Variants in NECAP1 observed in about 807,000 individuals in gnomAD.
The protein encoded by NECAP1 is adaptin ear-binding coat-associated protein 1.
A neutral mutation model predicts 33.4 loss-of-function variants in NECAP1; 13 were observed. The observed-to-expected ratio is 0.39, with a 90% CI of 0.25 to 0.62. The LOEUF is 0.62. Ranked by LOEUF, NECAP1 falls within the 20% of genes least tolerant of loss-of-function variation. The pLI is 0.52. For synonymous variants in NECAP1, 109 were observed against 125.2 expected, an observed-to-expected ratio of 0.87 and a Z score of 0.86; for missense variants, 272 against 347.4, an observed-to-expected ratio of 0.78 and a Z score of 1.73.
chr12:8,090,990 C>T (rs1242948721), intron 3 of NECAP1: 2 of 152,500 alleles, frequency 1.3e-5, no homozygotes, highest in Non-Finnish European at 2.9e-5. Flanking sequence ...GCCTCTGTTG[C>T]AACTACTCAG....
At chr12:8,093,153 G>T in intron 6 of NECAP1, 98 bp downstream of exon 6, 1 of 1,242,536 alleles carries the variant, frequency 8.0e-7, no homozygotes, top group Non-Finnish European at 1.2e-6. Flanking sequence ...CTATGAAATA[G>T]CTCATGGTAC....
chr12:8,085,686 C>CTTTTTTTTTTTTTTTT (rs554942626), intron 1 of NECAP1, among the ~76,000 whole-genome samples: 2 of 104,810 alleles, frequency 1.9e-5, no homozygotes, highest in African/African-American at 8.4e-5. Context: ...ACTTAATCTT[C>CTTTTTTTTTTTTTTTT]TTTTTTTTTT....
chr12:8,088,367 G>A (rs1345903676), intron 1 of NECAP1, among the ~76,000 whole-genome samples: 1 of 152,056 alleles, frequency 6.6e-6, no homozygotes, highest in African/African-American at 2.4e-5. Flanking sequence ...TAAACACCTT[G>A]GAGTTGTCCT....
chr12:8,092,907 C>G lies in NECAP1; in HGVS notation c.528C>G (p.Pro176=), dbSNP rs749616020. The G allele has an allele frequency of 4.4e-6, 7 of 1,583,364 alleles. No individual in the cohort carries two copies. In the South Asian group the frequency reaches 8.1e-5, roughly 18 times the overall value. Residue 176 remains proline, a synonymous_variant, in exon 6 of 8, where the codon CCC becomes CCG. Coordinates refer to ENST00000339754, the MANE Select transcript of NECAP1 (RefSeq NM_015509.4). ...ITNKKGGASK[P]RTARGGGLSL... Reference sequence around the variant, plus strand: ...ACAAGAAAGGAGGTGCTTCTAAGCCCAGGACTGCAAGGGGTGGGGGTCTGA... The same window carrying G: ...ACAAGAAAGGAGGTGCTTCTAAGCCGAGGACTGCAAGGGGTGGGGGTCTGA...
In NECAP1 at chr12:8,095,997, T is replaced by C. The variant is rs769647404; in HGVS notation, c.780-45T>C. The stretch of plus-strand genomic sequence containing the variant: ...TATTAAGTAAAGAATGGAGTTGTTA[T>C]CCTAATATTATGTCTCTGGCTTTCT... On this transcript the variant is annotated intron_variant, in intron 7 of 7. Transcript: ENST00000339754. 5.0e-6 allele frequency: 8 copies of C among 1,606,088 alleles called. No individual in the cohort carries two copies. The Admixed American group carries it at 1.3e-4, about 27-fold the overall frequency.
In NECAP1 at chr12:8,083,482, C is replaced by T. The variant is rs371256119; in HGVS notation, c.95+1099C>T. 4.2e-4 allele frequency among the ~76,000 whole-genome samples: 54 copies of T among 129,376 alleles called. 2 individuals carry two copies. In the East Asian group the frequency reaches 6.0e-3, roughly 14 times the overall value. The allele number at this position is 129,376 out of a possible 152,430, so 84.9% of individuals were successfully genotyped here. ...TCTCACTTTGTTGCCCAGGCCGGAGCGCAATGGCTCAATCTCAGCTCACTG... is the reference window on the plus strand; with the variant it reads ...TCTCACTTTGTTGCCCAGGCCGGAGTGCAATGGCTCAATCTCAGCTCACTG... On this transcript the variant is annotated intron_variant, in intron 1 of 7. Transcript: ENST00000339754.
chr12:8,089,904 T>C (rs749153283), intron 1 of NECAP1, 32 bp from the exon 2 acceptor site: 3 of 1,528,076 alleles, frequency 2.0e-6, no homozygotes, highest in African/African-American at 1.4e-5. Flanking sequence ...ATTAAGGACA[T>C]GTGCCTGAGG....
rs58270520 is a variant in NECAP1 at position 8,082,774 on chromosome 12, TCACACA to T, written c.95+429_95+434del. ...CTCATCCTTTCTCTCTCTCTCTCTC[TCACACA>T]CACACACACACACACACACACACAC... On this transcript the variant is annotated intron_variant, in intron 1 of 7. Transcript: ENST00000339754. The T allele has an allele frequency of 9.7e-3, 1,368 of 141,652 alleles. 9 individuals are homozygous for T. The highest frequency in any genetic ancestry group is 0.024 in the African/African-American group (821 of 34,708). The allele number at this position is 141,652 out of a possible 1,614,324, so 8.8% of individuals were successfully genotyped here.
intron 1 of NECAP1, chr12:8,082,774 TCACACACACACACACACA>T (rs58270520): frequency 0.26 from 36,619 of 141,694 alleles, 4,850 homozygotes; most frequent in Middle Eastern, 0.33. Context: ...TCTCTCTCTC[TCACACACACACACACACA>T]CACACACACA....
At chr12:8,082,640 G>A (rs1304643910) in intron 1 of NECAP1, 2 of 442,044 alleles carry the variant, frequency 4.5e-6, no homozygotes, top group Admixed American at 3.6e-5. Context: ...TGCCTCTCCC[G>A]TAATCCCCTG....
At chr12:8,090,069 A>C (rs1255790593) in intron 2 of NECAP1, 33 bp downstream of exon 2, 1 of 1,593,108 alleles carries the variant, frequency 6.3e-7, no homozygotes, top group East Asian at 2.2e-5. Context: ...TAACATTAAG[A>C]ATATTAATTT....
intron 3 of NECAP1, 104 bp downstream of exon 3, chr12:8,090,403 A>AT: frequency 2.9e-6 from 3 of 1,029,682 alleles, no homozygotes; most frequent in Non-Finnish European, 1.5e-6. Flanking sequence ...GGTTTACTTC[A>AT]TTTTTTCTTC....
intron 1 of NECAP1, chr12:8,089,343 G>C (rs1419994198): frequency 6.6e-6 from 1 of 152,280 alleles, no homozygotes; most frequent in Non-Finnish European, 1.5e-5. Flanking sequence ...ACCATCTATA[G>C]TTTGAAAATA....
chr12:8,090,129 A>G lies in NECAP1; in HGVS notation c.197-66A>G, dbSNP rs770261573. On this transcript the variant is annotated intron_variant, in intron 2 of 7. Transcript: ENST00000339754. The stretch of plus-strand genomic sequence containing the variant: ...ATTTGGGGACTGGAATGGAAATACT[A>G]CTTGTTAATTGGGGTTCTGGATTTT... 101 of 1,583,328 alleles carry G rather than the reference A, an allele frequency of 6.4e-5. No homozygotes were observed. In the South Asian group the frequency reaches 1.0e-3, roughly 16 times the overall value.
intron 1 of NECAP1, 185 bp from the exon 2 acceptor site, chr12:8,089,751 C>A (rs1446199987): frequency 1.8e-6 from 1 of 560,724 alleles, no homozygotes; most frequent in Non-Finnish European, 3.2e-6. Context: ...GTAGCATTGT[C>A]TTTTACTTGC....
In NECAP1 at chr12:8,092,787, G is replaced by A. The variant is rs368777299; in HGVS notation, c.492+3G>A. The A allele has an allele frequency of 6.8e-6, 11 of 1,607,336 alleles. No individual in the cohort carries two copies. The African/African-American group carries it at 1.3e-4, about 20-fold the overall frequency. Reference sequence around the variant, plus strand: ...AAACCATCAAGTTGTGTATCGGGGTGAGTATGGTTTTTAAAAATTTTGTTT... The same window carrying A: ...AAACCATCAAGTTGTGTATCGGGGTAAGTATGGTTTTTAAAAATTTTGTTT... On this transcript the variant is annotated splice_donor_region_variant and intron_variant, in intron 5 of 7. Transcript: ENST00000339754.
intron 1 of NECAP1, among the ~76,000 whole-genome samples, chr12:8,083,248 C>T (rs1008944505): frequency 6.6e-6 from 1 of 151,688 alleles, no homozygotes; most frequent in Non-Finnish European, 1.5e-5. Flanking sequence ...GAGCCCTTTC[C>T]AAGCCTCAAT....
At chr12:8,090,599 A>G (rs1947534320) in intron 3 of NECAP1, 1 of 270,538 alleles carries the variant, frequency 3.7e-6, no homozygotes, top group Non-Finnish European at 7.3e-6. Flanking sequence ...ACCTGAGGTC[A>G]GGAGTTTGAG....
intron 1 of NECAP1, among the ~76,000 whole-genome samples, chr12:8,083,729 G>GTGGT: frequency 1.1e-5 from 1 of 91,186 alleles, no homozygotes; most frequent in African/African-American, 4.1e-5. Flanking sequence ...CCCAGCCGTC[G>GTGGT]TTTTTTTTTT....
Sources: allele counts gnomAD v4.1 joint callset (sites outside exome capture counted in the v4.1 genomes callset), GRCh38; gene constraint gnomAD v4.1.1; transcripts MANE v1.5; gene names NCBI Gene and HGNC (gene_info 2026-07-23, HGNC 2026-07-21).